The following ARAP2 variants were observed in gnomAD, a reference collection of about 807,000 sequenced individuals.
The protein encoded by ARAP2 is arf-GAP with Rho-GAP domain, ANK repeat and PH domain-containing protein 2.
ARAP2 carries 148 observed loss-of-function variants against 194.5 expected under a neutral mutation model. The ratio of observed to expected loss-of-function variants is 0.76; its 90% CI spans 0.67 to 0.87. The LOEUF (loss-of-function observed/expected upper bound fraction) is 0.87, where lower values mean the gene tolerates loss of function less well. Ranked by LOEUF, ARAP2 falls within the 40% of genes least tolerant of loss-of-function variation. ARAP2 has a pLI of 0.00. For missense variants in ARAP2, 2,128 were observed against 1,989.7 expected, an observed-to-expected ratio of 1.07 and a Z score of -1.32; for synonymous variants, 695 against 683.5, an observed-to-expected ratio of 1.02 and a Z score of -0.26.
At chr4:36,224,249 A>G (rs73229039) in intron 2 of ARAP2, among the ~76,000 whole-genome samples, 8,581 of 151,556 alleles carry the variant, frequency 0.057, 284 homozygotes, top group East Asian at 0.1. Context: ...ATAAATAAAT[A>G]AAAACAGTTC....
chr4:36,172,907 T>C (rs966475353), intron 9 of ARAP2, among the ~76,000 whole-genome samples: 9 of 152,194 alleles, frequency 5.9e-5, no homozygotes, highest in African/African-American at 2.2e-4. Context: ...CTGCTGCTCC[T>C]TTCTGTGCCA....
intron 8 of ARAP2, among the ~76,000 whole-genome samples, chr4:36,013,388 C>A (rs1714913050): frequency 6.6e-6 from 1 of 152,136 alleles, no homozygotes; most frequent in African/African-American, 2.4e-5. Flanking sequence ...GAAGAATCTA[C>A]TAAAAAGGGT....
chr4:36,019,523 A>G (rs1560274277), intron 5 of ARAP2, among the ~76,000 whole-genome samples: 1 of 149,110 alleles, frequency 6.7e-6, no homozygotes, highest in Admixed American at 6.6e-5. Context: ...ATCGGATACA[A>G]TTCTCCTCAT....
rs1393593678 is a variant in ARAP2 at position 36,209,467 on chromosome 4, T to C, written c.1487+923A>G. The C allele has an allele frequency of 1.8e-5, 7 of 392,410 alleles. No individual in the cohort carries two copies. The East Asian group carries it at 6.3e-4, about 35-fold the overall frequency. The allele number at this position is 392,410 out of a possible 1,614,324, so 24.3% of individuals were successfully genotyped here. The stretch of plus-strand genomic sequence containing the variant: ...TAACATATAATTGCTAACCATACAA[T>C]TTCGGGGTGTTTTGCTATCTTTTGA... On this transcript the variant is annotated intron_variant, in intron 6 of 32. Coordinates refer to ENST00000303965, the MANE Select transcript of ARAP2 (RefSeq NM_015230.4).
At chr4:36,084,905 T>A (rs1180275108) in intron 28 of ARAP2, among the ~76,000 whole-genome samples, 1 of 152,030 alleles carries the variant, frequency 6.6e-6, no homozygotes, top group Non-Finnish European at 1.5e-5. Context: ...TATAGCTAGA[T>A]TTCTAGGAAT....
intron 2 of ARAP2, among the ~76,000 whole-genome samples, chr4:36,054,087 C>A (rs564371963): frequency 3.9e-5 from 6 of 152,170 alleles, no homozygotes; most frequent in African/African-American, 9.7e-5. Context: ...ATTAGGCATG[C>A]CTTTCACACC....
At position 36,082,232 on chromosome 4, in the gene ARAP2, T is replaced by C. The variant is rs1297066567; in HGVS notation, c.4544+19A>G. 2 of 1,606,718 alleles carry C rather than the reference T, an allele frequency of 1.2e-6. No homozygotes were observed. The highest frequency in any genetic ancestry group is 1.7e-4 in the Middle Eastern group (1 of 6,024). The stretch of plus-strand genomic sequence containing the variant: ...GTCACCAATATATTATGTCCAAAAG[T>C]TGTCAGCTGTTAACTTACCAGTGAT... On this transcript the variant is annotated intron_variant, in intron 30 of 32. Transcript: ENST00000303965.
chr4:36,040,067 G>A (rs1720587017), intron 5 of ARAP2, among the ~76,000 whole-genome samples: 1 of 152,174 alleles, frequency 6.6e-6, no homozygotes. Context: ...ATGGACATGT[G>A]TACTCTATGA....
intron 28 of ARAP2, among the ~76,000 whole-genome samples, chr4:36,089,873 G>T (rs894511278): frequency 5.3e-5 from 8 of 151,916 alleles, no homozygotes; most frequent in Admixed American, 3.9e-4. Context: ...CTCAATCTGG[G>T]ACTATTAGTA....
At chr4:36,151,130 T>C (rs1730871789) in intron 15 of ARAP2, 86 bp from the exon 16 acceptor site, 2 of 1,126,696 alleles carry the variant, frequency 1.8e-6, no homozygotes, top group South Asian at 3.2e-5. Context: ...AAATAATGGC[T>C]GGATGCAAGT....
intron 2 of ARAP2, among the ~76,000 whole-genome samples, 170 bp downstream of exon 2, chr4:36,228,412 G>A (rs1483981091): frequency 6.6e-6 from 1 of 152,194 alleles, no homozygotes; most frequent in East Asian, 1.9e-4. Context: ...GAAACAGACT[G>A]TGAAATAATG....
chr4:36,017,952 T>G (rs1026998231), intron 6 of ARAP2, among the ~76,000 whole-genome samples: 3 of 152,170 alleles, frequency 2.0e-5, no homozygotes, highest in African/African-American at 7.2e-5. Context: ...TGTATGATTA[T>G]TTGAATTCTT....
At chr4:36,222,988 C>T (rs1749495508) in intron 2 of ARAP2, among the ~76,000 whole-genome samples, 1 of 152,002 alleles carries the variant, frequency 6.6e-6, no homozygotes, top group African/African-American at 2.4e-5. Flanking sequence ...TTGTATTGCA[C>T]TCCTTTTTCC....
chr4:36,121,402 AT>A, intron 22 of ARAP2, 76 bp from the exon 23 acceptor site: 2 of 1,366,144 alleles, frequency 1.5e-6, no homozygotes, highest in Admixed American at 4.7e-5. Context: ...CAGTTTATCA[AT>A]TTTTAAACAC....
At chr4:36,156,389 GAGAA>G (rs1190805215) in intron 15 of ARAP2, among the ~76,000 whole-genome samples, 1,425 of 12,478 alleles carry the variant, frequency 0.11, 70 homozygotes, top group East Asian at 0.15. Flanking sequence ...AAGAGAGAGA[GAGAA>G]AGAAAGAAAG....
At chr4:36,182,798 T>C (rs1239770172) in intron 8 of ARAP2, among the ~76,000 whole-genome samples, 1 of 152,144 alleles carries the variant, frequency 6.6e-6, no homozygotes, top group African/African-American at 2.4e-5. Context: ...AGGCTTCTAT[T>C]TGCTGAGATG....
chr4:36,161,343 G>A, intron 12 of ARAP2, 122 bp downstream of exon 12: 1 of 695,400 alleles, frequency 1.4e-6, no homozygotes. Context: ...CCATAATGTG[G>A]TGAGAACTTT....
chr4:36,047,551 G>A (rs1722030999), intron 3 of ARAP2, among the ~76,000 whole-genome samples: 1 of 151,964 alleles, frequency 6.6e-6, no homozygotes, highest in Non-Finnish European at 1.5e-5. Context: ...CTCATTTATT[G>A]TGCTATCAGA....
intron 6 of ARAP2, among the ~76,000 whole-genome samples, chr4:36,017,563 G>GGAAAAAAAAA (rs1560270898): frequency 6.1e-4 from 4 of 6,512 alleles, no homozygotes; most frequent in African/African-American, 1.5e-3. Flanking sequence ...TAAGAAAGTG[G>GGAAAAAAAAA]TAAAAAAAAA....
Sources: gnomAD v4.1 joint callset for allele counts (sites outside exome capture counted in the v4.1 genomes callset) on GRCh38, gnomAD v4.1.1 for gene constraint, MANE v1.5 for transcripts, NCBI Gene and HGNC (gene_info 2026-07-23, HGNC 2026-07-21) for gene names.